The following CDKAL1 variants were observed in gnomAD, a reference collection of about 807,000 sequenced individuals.
CDKAL1 encodes threonylcarbamoyladenosine tRNA methylthiotransferase.
A neutral mutation model predicts 68.2 loss-of-function variants in CDKAL1; 32 were observed. The observed-to-expected ratio is 0.47, with a 90% CI of 0.35 to 0.63. The LOEUF (loss-of-function observed/expected upper bound fraction) is 0.63, where lower values mean the gene tolerates loss of function less well. Among genes scored for constraint, CDKAL1 ranks in the 30% least tolerant of loss-of-function variants. The pLI, the probability that CDKAL1 is intolerant of heterozygous loss-of-function variation, is 0.00. For missense variants in CDKAL1, 606 were observed against 696.7 expected (o/e 0.87, Z 1.47); for synonymous variants, 234 against 244.3 (o/e 0.96, Z 0.39).
intron 12 of CDKAL1, among the ~76,000 whole-genome samples, chr6:21,076,201 G>A (rs891180602): frequency 6.6e-6 from 1 of 152,154 alleles, no homozygotes; most frequent in African/African-American, 2.4e-5. Flanking sequence ...TTCCTTGTGA[G>A]GAATTACATT....
chr6:21,023,125 T>C (rs1316118259), intron 11 of CDKAL1, among the ~76,000 whole-genome samples: 1 of 76,286 alleles, frequency 1.3e-5, no homozygotes, highest in Non-Finnish European at 2.5e-5. Context: ...GTTTCTCAAT[T>C]GATAATTTTT....
chr6:20,795,892 G>C (rs1003723768), intron 8 of CDKAL1, among the ~76,000 whole-genome samples: 1 of 152,194 alleles, frequency 6.6e-6, no homozygotes, highest in African/African-American at 2.4e-5. Context: ...AAAGGAAAGA[G>C]ATTGGAACTA....
chr6:21,141,019 C>G (rs946872902), intron 13 of CDKAL1, among the ~76,000 whole-genome samples: 10 of 152,240 alleles, frequency 6.6e-5, no homozygotes, highest in Middle Eastern at 3.4e-3. Context: ...ACGGGAAAGA[C>G]CAGCACGGGA....
chr6:21,151,030 A>G (rs1776390722), intron 13 of CDKAL1, among the ~76,000 whole-genome samples: 1 of 152,194 alleles, frequency 6.6e-6, no homozygotes, highest in Non-Finnish European at 1.5e-5. Flanking sequence ...ACCAAATGTT[A>G]CTCAGGAATA....
intron 5 of CDKAL1, among the ~76,000 whole-genome samples, chr6:20,656,892 G>A (rs993292388): frequency 1.3e-5 from 2 of 152,224 alleles, no homozygotes; most frequent in South Asian, 4.1e-4. Context: ...ATATGATTAA[G>A]TATTTTTAAT....
intron 2 of CDKAL1, among the ~76,000 whole-genome samples, chr6:20,544,453 G>T (rs932767424): frequency 6.6e-6 from 1 of 151,446 alleles, no homozygotes. Flanking sequence ...AAAATTAGCC[G>T]GGCATGGTGG....
At chr6:21,028,649 A>G (rs959661924) in intron 11 of CDKAL1, among the ~76,000 whole-genome samples, 4 of 152,182 alleles carry the variant, frequency 2.6e-5, no homozygotes, top group East Asian at 1.9e-4. Flanking sequence ...TAAAGGTGCT[A>G]TCTCCAAATA....
chr6:21,191,677 A>T (rs1356544489), intron 13 of CDKAL1, among the ~76,000 whole-genome samples: 2 of 151,810 alleles, frequency 1.3e-5, no homozygotes, highest in African/African-American at 2.4e-5. Context: ...AATCAGAGAG[A>T]TTGCTAAGCT....
chr6:21,168,276 A>G (rs1043491783), intron 13 of CDKAL1, among the ~76,000 whole-genome samples: 11 of 152,316 alleles, frequency 7.2e-5, no homozygotes, highest in Admixed American at 4.6e-4. Flanking sequence ...TCCAAAGCAG[A>G]TAACATCCAG....
In CDKAL1 at chr6:20,656,468, G is replaced by A. The variant is rs183804714; in HGVS notation, c.371+7091G>A. Among the ~76,000 whole-genome samples, 681 of 151,820 alleles carry A rather than the reference G, an allele frequency of 4.5e-3. 5 individuals are homozygous for A. Among genetic ancestry groups the A allele is most frequent in the African/African-American group, 0.015 (638 of 41,366 alleles). ...GAATGGTATTCACCAGATGCTGTCCGTTTTCAGAGAATGCTTTTTTTTTTT... is the reference window on the plus strand; with the variant it reads ...GAATGGTATTCACCAGATGCTGTCCATTTTCAGAGAATGCTTTTTTTTTTT... On this transcript the variant is annotated intron_variant, in intron 5 of 15. Transcript: ENST00000274695.
intron 13 of CDKAL1, among the ~76,000 whole-genome samples, chr6:21,133,383 G>C (rs1002076796): frequency 2.6e-5 from 4 of 152,148 alleles, no homozygotes; most frequent in Admixed American, 2.0e-4. Context: ...CTGGTGCTCA[G>C]GACTCCATGC....
At chr6:20,949,777 G>T (rs914271117) in intron 9 of CDKAL1, among the ~76,000 whole-genome samples, 1 of 152,126 alleles carries the variant, frequency 6.6e-6, no homozygotes, top group Non-Finnish European at 1.5e-5. Context: ...ATTCTCAGTG[G>T]TCGCGAAAGT....
intron 15 of CDKAL1, among the ~76,000 whole-genome samples, chr6:21,205,811 G>T (rs1260453330): frequency 3.6e-5 from 5 of 140,082 alleles, no homozygotes; most frequent in East Asian, 2.2e-4. Context: ...GATTACATGC[G>T]TGAGCCCCCG....
At chr6:21,206,263 T>C (rs6913302) in intron 15 of CDKAL1, among the ~76,000 whole-genome samples, 8,956 of 152,090 alleles carry the variant, frequency 0.059, 761 homozygotes, top group African/African-American at 0.19. Flanking sequence ...TACAAAAAAA[T>C]AATAAGTAAG....
At chr6:20,974,740 A>C (rs1765755178) in intron 10 of CDKAL1, among the ~76,000 whole-genome samples, 1 of 151,490 alleles carries the variant, frequency 6.6e-6, no homozygotes, top group Non-Finnish European at 1.5e-5. Flanking sequence ...GCACTTTGGG[A>C]GTCCGAGGCT....
intron 12 of CDKAL1, among the ~76,000 whole-genome samples, chr6:21,100,420 A>G (rs1435942926): frequency 1.3e-5 from 2 of 152,222 alleles, no homozygotes; most frequent in African/African-American, 4.8e-5. Flanking sequence ...GAAGACCCTG[A>G]TAACTTTCCT....
chr6:20,757,730 C>A (rs1347634700), intron 6 of CDKAL1, among the ~76,000 whole-genome samples: 1 of 152,160 alleles, frequency 6.6e-6, no homozygotes, highest in East Asian at 1.9e-4. Context: ...TTTCTTTCAA[C>A]TGACTTCCAT....
chr6:20,864,501 T>TA (rs1416538624), intron 9 of CDKAL1, among the ~76,000 whole-genome samples: 1 of 152,186 alleles, frequency 6.6e-6, no homozygotes, highest in Admixed American at 6.5e-5. Context: ...TTACATATTC[T>TA]ACTATGAATT....
chr6:20,588,555 T>A (rs1041260797), intron 4 of CDKAL1, among the ~76,000 whole-genome samples: 2 of 152,178 alleles, frequency 1.3e-5, no homozygotes, highest in Non-Finnish European at 2.9e-5. Flanking sequence ...CTCTTTGAAG[T>A]TTTCTTTCTA....
Sources: gnomAD v4.1 joint callset for allele counts (sites outside exome capture counted in the v4.1 genomes callset) on GRCh38, gnomAD v4.1.1 for gene constraint, MANE v1.5 for transcripts, NCBI Gene and HGNC (gene_info 2026-07-23, HGNC 2026-07-21) for gene names.